The following THOC2 variants were observed in gnomAD, a reference collection of about 807,000 sequenced individuals.
THOC2 encodes THO complex subunit 2.
THOC2 carries 10 observed loss-of-function variants against 128.4 expected under a neutral mutation model. The ratio of observed to expected loss-of-function variants is 0.08; its 90% CI spans 0.05 to 0.13. The LOEUF (loss-of-function observed/expected upper bound fraction) is 0.13, where lower values mean the gene tolerates loss of function less well. Among genes scored for constraint, THOC2 ranks in the 10% least tolerant of loss-of-function variants. The pLI, the probability that THOC2 is intolerant of heterozygous loss-of-function variation, is 1.00. For missense variants in THOC2, 535 were observed against 1,155.7 expected (o/e 0.46, Z 7.79); for synonymous variants, 393 against 396.9 (o/e 0.99, Z 0.12).
chrX:123,709,562 G>C (rs973843638), intron 2 of THOC2, among the ~76,000 whole-genome samples: 8 of 111,780 alleles, frequency 7.2e-5, no homozygotes, highest in African/African-American at 2.6e-4. Flanking sequence ...CTGCACTCCA[G>C]CCTGGGCGAT....
At chrX:123,667,414 CT>C in intron 10 of THOC2, 136 bp from the exon 11 acceptor site, 1 of 448,242 alleles carries the variant, frequency 2.2e-6, no homozygotes, top group Non-Finnish European at 3.7e-6. Context: ...CAATATATTC[CT>C]GCAAGTACAA....
At chrX:123,654,615 G>A (rs1404880177) in intron 12 of THOC2, among the ~76,000 whole-genome samples, 1 of 106,023 alleles carries the variant, frequency 9.4e-6, no homozygotes, top group East Asian at 2.9e-4. Flanking sequence ...AAGATTAGCT[G>A]GGCATGGTGG....
At chrX:123,646,566 C>T (rs1019016098) in intron 12 of THOC2, among the ~76,000 whole-genome samples, 1 of 112,321 alleles carries the variant, frequency 8.9e-6, no homozygotes, top group Non-Finnish European at 1.9e-5. Context: ...GATATTACCA[C>T]AGGAAAAGTC....
intron 26 of THOC2, 81 bp downstream of exon 26, chrX:123,624,458 CTT>C: frequency 9.9e-7 from 1 of 1,005,751 alleles, no homozygotes; most frequent in Non-Finnish European, 1.3e-6. Context: ...CTCAGCTTCT[CTT>C]TTAAAACTCA....
chrX:123,656,377 T>TA (rs1267268235), intron 12 of THOC2, among the ~76,000 whole-genome samples: 1 of 99,116 alleles, frequency 1.0e-5, no homozygotes, highest in Non-Finnish European at 2.0e-5. Flanking sequence ...AGAGAGGAAC[T>TA]TATGCTATTT....
intron 1 of THOC2, 94 bp from the exon 2 acceptor site, chrX:123,713,002 A>T (rs1219658773): frequency 3.6e-6 from 2 of 555,114 alleles, no homozygotes; most frequent in Non-Finnish European, 5.6e-6. Context: ...GTAAAAAAAA[A>T]TTTAATCAAG....
In THOC2 at chrX:123,645,335, GT is replaced by G; in HGVS notation, c.1426del (p.Thr476ArgfsTer22). 8.8e-7 allele frequency: 1 copy of G among 1,132,732 alleles called. No homozygotes were observed. The allele number at this position is 1,132,732 out of a possible 1,213,427, so 93.3% of individuals were successfully genotyped here. On this transcript the variant is annotated frameshift_variant and splice_region_variant, in exon 13 of 39. Transcript: ENST00000245838. LOFTEE classifies it high-confidence loss of function. ...DGSKQEDKEK[T>X]EVILSCLLSI... Reference sequence around the variant, plus strand: ...TATTGGATTTTTCTAGTCTCTTACCGTTTTTTCTTTATCTTCTTGTTTGCTT... The same window carrying G: ...TATTGGATTTTTCTAGTCTCTTACCGTTTTTCTTTATCTTCTTGTTTGCTT...
chrX:123,733,014 G>C lies in THOC2; in HGVS notation c.9C>G (p.Ala3=). 1 of 1,211,437 alleles carries C rather than the reference G, an allele frequency of 8.3e-7. No individual in the cohort carries two copies. The highest frequency in any genetic ancestry group is 1.7e-5 in the African/African-American group (1 of 57,776). The change falls in exon 1 of 39, where the codon GCC becomes GCG. Residue 3 remains alanine (A), a synonymous_variant. Coordinates refer to ENST00000245838, the MANE Select transcript of THOC2 (RefSeq NM_001081550.2). ...ACTCTGCGGGAACCACCACAGCCGC[G>C]GCCGCCATCTTCCTCTCACTAGTAG... MA[A]AAVVVPAEWI... is the part of the protein sequence containing the mutation.
intron 8 of THOC2, 55 bp downstream of exon 8, chrX:123,686,492 TA>T: frequency 1.0e-6 from 1 of 960,227 alleles, no homozygotes; most frequent in Non-Finnish European, 1.4e-6. Context: ...TTAAATTATA[TA>T]AACAAGATTA....
At chrX:123,608,234 C>T (rs1359996246) in intron 38 of THOC2, among the ~76,000 whole-genome samples, 1 of 107,604 alleles carries the variant, frequency 9.3e-6, no homozygotes, top group East Asian at 2.9e-4. Context: ...AACCCCGTCT[C>T]TACTAAAAAT....
chrX:123,664,720 G>A (rs1040011948), intron 12 of THOC2, among the ~76,000 whole-genome samples: 8 of 111,895 alleles, frequency 7.1e-5, no homozygotes, highest in African/African-American at 2.6e-4. Flanking sequence ...TGGAGAGGAG[G>A]TGGAGAAATA....
At chrX:123,700,228 T>C (rs1403155426) in intron 4 of THOC2, among the ~76,000 whole-genome samples, 1 of 108,756 alleles carries the variant, frequency 9.2e-6, no homozygotes, top group Non-Finnish European at 1.9e-5. Context: ...CAGCCGGGCG[T>C]GGTAGCTCAA....
At chrX:123,681,388 G>GATGCCATTGT (rs2049776300) in intron 8 of THOC2, among the ~76,000 whole-genome samples, 1 of 110,068 alleles carries the variant, frequency 9.1e-6, no homozygotes, top group Admixed American at 9.7e-5. Flanking sequence ...GGGGTGGGGG[G>GATGCCATTGT]ATGCCATTGT....
intron 23 of THOC2, 142 bp from the exon 24 acceptor site, chrX:123,626,804 A>G (rs2047285557): frequency 1.9e-6 from 1 of 515,404 alleles, no homozygotes; most frequent in Admixed American, 4.7e-5. Context: ...TGCTACTTTT[A>G]TCTCCATTCA....
intron 21 of THOC2, among the ~76,000 whole-genome samples, chrX:123,632,598 T>C (rs2047529480): frequency 9.2e-6 from 1 of 108,519 alleles, no homozygotes; most frequent in Non-Finnish European, 1.9e-5. Flanking sequence ...GGGAAAGATA[T>C]AAATGCAAAC....
At position 123,719,203 on chromosome X, in the gene THOC2, A is replaced by G. The variant is rs185601523; in HGVS notation, c.72-6295T>C. Among the ~76,000 whole-genome samples, 385 of 109,649 alleles carry G rather than the reference A, an allele frequency of 3.5e-3. 1 individual carries two copies. Among genetic ancestry groups the G allele is most frequent in the Middle Eastern group, 0.014 (3 of 214 alleles). The stretch of plus-strand genomic sequence containing the variant: ...CCAAAAAAAAAAAAAAGAAGTCAAG[A>G]AAACAACCCAATTTTAAAATGGGCA... On this transcript the variant is annotated intron_variant, in intron 1 of 38. Transcript: ENST00000245838.
chrX:123,709,890 A>G (rs1289163120), intron 2 of THOC2, among the ~76,000 whole-genome samples: 1 of 110,874 alleles, frequency 9.0e-6, no homozygotes, highest in Admixed American at 9.7e-5. Context: ...ATTAGCCATC[A>G]TTACAATGTT....
chrX:123,678,267 CTT>C (rs760673764), intron 8 of THOC2, among the ~76,000 whole-genome samples: 6 of 98,215 alleles, frequency 6.1e-5, no homozygotes, highest in Admixed American at 1.1e-4. Flanking sequence ...TGTTTTCAAA[CTT>C]TTTTTTTTTT....
chrX:123,614,236 T>C (rs1199122863), intron 33 of THOC2, 47 bp from the exon 34 acceptor site: 5 of 1,014,948 alleles, frequency 4.9e-6, no homozygotes, highest in South Asian at 6.0e-5. Flanking sequence ...TTTTCCAGTA[T>C]TGGCATCACT....
Sources: allele counts gnomAD v4.1 joint callset (sites outside exome capture counted in the v4.1 genomes callset), GRCh38; gene constraint gnomAD v4.1.1; transcripts MANE v1.5; gene names NCBI Gene and HGNC (gene_info 2026-07-23, HGNC 2026-07-21).